The following IQSEC1 variants were observed in gnomAD, a reference collection of about 807,000 sequenced individuals.
IQSEC1 encodes IQ motif and Sec7 domain ArfGEF 1, also known as IQ motif and SEC7 domain-containing protein 1.
In IQSEC1, 31 loss-of-function variants were observed where a neutral mutation model predicts 91.0. The ratio of observed to expected loss-of-function variants is 0.34; its 90% confidence interval spans 0.26 to 0.46. The LOEUF is 0.46. IQSEC1 is among the 20% of genes least tolerant of loss of function. The pLI, the probability that IQSEC1 is intolerant of heterozygous loss-of-function variation, is 1.00. For synonymous variants in IQSEC1, 699 were observed against 662.6 expected, an observed-to-expected ratio of 1.05 and a Z score of -0.84; for missense variants, 1,388 against 1,575.6, an observed-to-expected ratio of 0.88 and a Z score of 2.02.
At position 12,945,435 on chromosome 3, in the gene IQSEC1, C is replaced by T. The variant is rs371516821; in HGVS notation, c.24-3570G>A. On this transcript the variant is annotated intron_variant, in intron 1 of 13. Transcript: ENST00000613206. ...CTGGGGGTCATCAGTTTAATCCCTC[C>T]CCCGACTCAAACGCCCCCATTCAAT... Among the ~76,000 whole-genome samples the T allele has an allele frequency of 3.2e-4, 48 of 152,034 alleles. No individual in the cohort carries two copies. In the East Asian group the frequency reaches 6.0e-3, roughly 19 times the overall value.
At chr3:13,052,747 C>A (rs1310974919) in intron 1 of IQSEC1, among the ~76,000 whole-genome samples, 1 of 152,068 alleles carries the variant, frequency 6.6e-6, no homozygotes, top group Non-Finnish European at 1.5e-5. Context: ...GACAGACGTA[C>A]GTGGTGCCAT....
At chr3:13,164,987 C>T (rs745933043) in intron 1 of IQSEC1, among the ~76,000 whole-genome samples, 9 of 152,170 alleles carry the variant, frequency 5.9e-5, no homozygotes, top group Non-Finnish European at 8.8e-5. Flanking sequence ...CGTTCCAGAA[C>T]GGAAGTCAGA....
At chr3:13,188,515 C>T (rs772275206) in intron 1 of IQSEC1, among the ~76,000 whole-genome samples, 39 of 152,236 alleles carry the variant, frequency 2.6e-4, no homozygotes, top group Admixed American at 5.2e-4. Flanking sequence ...CTATAATCCT[C>T]ATTTTACAGA....
intron 2 of IQSEC1, among the ~76,000 whole-genome samples, chr3:13,089,539 T>G (rs2125137634): frequency 6.6e-6 from 1 of 152,266 alleles, no homozygotes; most frequent in East Asian, 1.9e-4. Context: ...GAGCTGTGTT[T>G]GTGCCACTGC....
chr3:13,203,005 G>T (rs1186954423), intron 1 of IQSEC1, among the ~76,000 whole-genome samples: 3 of 152,204 alleles, frequency 2.0e-5, no homozygotes, highest in African/African-American at 7.2e-5. Flanking sequence ...GCCTGGCTCT[G>T]TGTCCTAGGA....
At chr3:13,201,689 G>C (rs750203305) in intron 1 of IQSEC1, among the ~76,000 whole-genome samples, 1 of 152,162 alleles carries the variant, frequency 6.6e-6, no homozygotes, top group Non-Finnish European at 1.5e-5. Flanking sequence ...GGGGTCACAG[G>C]CATGGCCACA....
intron 1 of IQSEC1, among the ~76,000 whole-genome samples, chr3:13,263,430 G>GTT (rs1264667822): frequency 1.2e-5 from 1 of 83,234 alleles, no homozygotes; most frequent in South Asian, 4.1e-4. Context: ...TTTTTTTTGG[G>GTT]GGGGGGGGGA....
chr3:13,059,824 G>T (rs940096479), intron 1 of IQSEC1, among the ~76,000 whole-genome samples: 1 of 151,784 alleles, frequency 6.6e-6, no homozygotes, highest in African/African-American at 2.4e-5. Flanking sequence ...GAGACAGTGT[G>T]GGTCTCTGGT....
intron 1 of IQSEC1, among the ~76,000 whole-genome samples, chr3:12,977,118 A>C (rs1701217286): frequency 6.6e-6 from 1 of 152,194 alleles, no homozygotes; most frequent in African/African-American, 2.4e-5. Context: ...AGGCTGAGGC[A>C]GGCAGATTGC....
At chr3:12,980,481 G>A (rs940918054) in intron 1 of IQSEC1, among the ~76,000 whole-genome samples, 4 of 152,166 alleles carry the variant, frequency 2.6e-5, no homozygotes, top group Non-Finnish European at 5.9e-5. Flanking sequence ...ATAAATAACT[G>A]TAATTTATGT....
At chr3:13,195,043 C>A (rs891610376) in intron 1 of IQSEC1, among the ~76,000 whole-genome samples, 2 of 152,130 alleles carry the variant, frequency 1.3e-5, no homozygotes, top group South Asian at 4.1e-4. Flanking sequence ...GAGATACTGT[C>A]AAGAGGACGA....
At position 12,979,425 on chromosome 3, in the gene IQSEC1, A is replaced by G. The variant is rs1300974100; in HGVS notation, c.24-37560T>C. Among the ~76,000 whole-genome samples the G allele has an allele frequency of 6.6e-6, 1 of 152,230 alleles. No individual in the cohort carries two copies. The highest frequency in any genetic ancestry group is 1.5e-5 in the Non-Finnish European group (1 of 68,032). On this transcript the variant is annotated intron_variant, in intron 1 of 13. Transcript: ENST00000613206. The surrounding 1 kb of genome is among the most constrained non-coding windows in gnomAD (Gnocchi z 4.3). ...CCTGATAGGGACTGAGATACAAGACATAGTGCTACATGAAAAAGGTAAGCT... is the reference window on the plus strand; with the variant it reads ...CCTGATAGGGACTGAGATACAAGACGTAGTGCTACATGAAAAAGGTAAGCT...
intron 1 of IQSEC1, among the ~76,000 whole-genome samples, chr3:12,989,611 G>A (rs1461431547): frequency 6.6e-6 from 1 of 152,160 alleles, no homozygotes; most frequent in Non-Finnish European, 1.5e-5. Context: ...CAGAAAGGCT[G>A]AACCCCATCC....
rs1466653905 is a variant in IQSEC1 at position 12,941,679 on chromosome 3, C to T, written c.210G>A (p.Leu70=). 1.2e-6 allele frequency: 2 copies of T among 1,612,980 alleles called. No individual in the cohort carries two copies. The highest frequency in any genetic ancestry group is 2.2e-5 in the East Asian group (1 of 44,880). ...TGCGCAGGATGGAGGTCGAGTGCTG[C>T]AGCTTGGGCCTCCGCGTGCGCTGCT... The part of the protein sequence containing the change: ...GQQQRTRRPK[L]QHSTSILRKQ... Residue 70 remains leucine (L), a synonymous_variant, in exon 2 of 14, where the codon CTG becomes CTA. Coordinates refer to ENST00000613206, the MANE Select transcript of IQSEC1 (RefSeq NM_001134382.3).
chr3:13,257,909 T>G (rs928289014), intron 1 of IQSEC1, among the ~76,000 whole-genome samples: 2 of 152,260 alleles, frequency 1.3e-5, no homozygotes, highest in Non-Finnish European at 2.9e-5. Flanking sequence ...TGTCAAAACT[T>G]AGACACAACC....
At chr3:13,009,869 TCC>T (rs1176223576) in intron 1 of IQSEC1, among the ~76,000 whole-genome samples, 2 of 152,144 alleles carry the variant, frequency 1.3e-5, no homozygotes, top group Non-Finnish European at 2.9e-5. Flanking sequence ...GCCTCCAGTC[TCC>T]TCTGCCAGCC....
At chr3:13,065,740 A>C (rs1246348300) in intron 1 of IQSEC1, among the ~76,000 whole-genome samples, 3 of 152,162 alleles carry the variant, frequency 2.0e-5, no homozygotes, top group African/African-American at 7.2e-5. Context: ...CTGAGTATAC[A>C]CCCAACAGAA....
intron 2 of IQSEC1, among the ~76,000 whole-genome samples, chr3:13,113,938 T>A (rs1206720022): frequency 6.6e-6 from 1 of 152,262 alleles, no homozygotes. Flanking sequence ...AAATGACTCA[T>A]GTCAAAACGT....
At chr3:13,011,348 TG>T (rs1229709773) in intron 1 of IQSEC1, among the ~76,000 whole-genome samples, 1 of 152,222 alleles carries the variant, frequency 6.6e-6, no homozygotes, top group Non-Finnish European at 1.5e-5. Context: ...TTATTTTACT[TG>T]GGGATAATCA....
Sources: allele counts gnomAD v4.1 joint callset (sites outside exome capture counted in the v4.1 genomes callset), GRCh38; gene constraint gnomAD v4.1.1; non-coding constraint Gnocchi (gnomAD v3.1); transcripts MANE v1.5; gene names NCBI Gene and HGNC (gene_info 2026-07-23, HGNC 2026-07-21).